The following ACKR3 variants were observed in gnomAD, a reference collection of about 807,000 sequenced individuals.
ACKR3 encodes atypical chemokine receptor 3, also known as C-X-C chemokine receptor type 7.
A neutral mutation model predicts 22.4 loss-of-function variants in ACKR3; 6 were observed. That is an observed-to-expected ratio of 0.27 (90% CI 0.15 to 0.53). The LOEUF (loss-of-function observed/expected upper bound fraction) is 0.53, where lower values mean the gene tolerates loss of function less well. Ranked by LOEUF, ACKR3 falls within the 20% of genes least tolerant of loss-of-function variation. The pLI is 0.96. For synonymous variants in ACKR3, 209 were observed against 205.2 expected, an observed-to-expected ratio of 1.02 and a Z score of -0.16; for missense variants, 396 against 475.2, an observed-to-expected ratio of 0.83 and a Z score of 1.55.
the ACKR3 span, among the ~76,000 whole-genome samples, chr2:236,557,654 A>C: frequency 6.6e-6 from 1 of 152,266 alleles, no homozygotes; most frequent in Non-Finnish European, 1.5e-5. Context: ...ACAGATGAAT[A>C]AATTGAAAGT....
chr2:236,545,652 G>A, the ACKR3 span, among the ~76,000 whole-genome samples: 3 of 152,144 alleles, frequency 2.0e-5, no homozygotes, highest in Admixed American at 6.5e-5. This position sits in a 1 kb window ranked among gnomAD's most constrained non-coding sequence, Gnocchi z 5.3. Context: ...TTTCAGTGCT[G>A]CACTTTACAA....
At chr2:236,558,789 C>G in the ACKR3 span, among the ~76,000 whole-genome samples, 16 of 152,234 alleles carry the variant, frequency 1.1e-4, no homozygotes, top group Admixed American at 6.5e-4. Flanking sequence ...AATTTTGTCT[C>G]ACGTTGTTTT....
At chr2:236,548,362 A>G in the ACKR3 span, among the ~76,000 whole-genome samples, 8 of 152,210 alleles carry the variant, frequency 5.3e-5, no homozygotes, top group African/African-American at 1.9e-4. This position sits in a 1 kb window ranked among gnomAD's most constrained non-coding sequence, Gnocchi z 4.3. Context: ...TTTAAACTGA[A>G]TTCTTAGCCA....
chr2:236,580,692 G>C lies in ACKR3; in HGVS notation c.227G>C (p.Gly76Ala). 1 of 1,614,154 alleles carries C rather than the reference G, an allele frequency of 6.2e-7. No homozygotes were observed. The highest frequency in any genetic ancestry group is 1.3e-5 in the African/African-American group (1 of 75,032). Residue 76 changes from glycine to alanine, a missense_variant, in exon 2 of 2, where the codon GGC becomes GCC. Coordinates refer to ENST00000272928, the MANE Select transcript of ACKR3 (RefSeq NM_020311.3). ...GTGAATATCCAGGCCAAGACCACAG[G>C]CTATGACACGCACTGCTACATCTTG... is the stretch of plus-strand genomic sequence containing the variant. ...VWVNIQAKTT[G>A]YDTHCYILNL...
chr2:236,538,656 G>T, the ACKR3 span, among the ~76,000 whole-genome samples: 1 of 152,204 alleles, frequency 6.6e-6, no homozygotes, highest in Non-Finnish European at 1.5e-5. Flanking sequence ...GTAGATATCT[G>T]CCCTGCCCTT....
chr2:236,578,359 G>A lies in ACKR3; in HGVS notation c.-26-2081G>A, dbSNP rs533642316. 2.0e-5 allele frequency among the ~76,000 whole-genome samples: 3 copies of A among 152,334 alleles called. No individual in the cohort carries two copies. In the South Asian group the frequency reaches 6.2e-4, roughly 32 times the overall value. ...ACCTTGACCTGGCTCACCTCCATGG[G>A]CAGCCTCCCATGCTTGGGCATCAGG... On this transcript the variant is annotated intron_variant, in intron 1 of 1. Transcript: ENST00000272928.
chr2:236,579,124 G>T (rs1031567361), intron 1 of ACKR3, among the ~76,000 whole-genome samples: 7 of 152,224 alleles, frequency 4.6e-5, no homozygotes, highest in Non-Finnish European at 1.0e-4. Flanking sequence ...TCTGATCTCG[G>T]AGTGGGCGGC....
At chr2:236,578,315 G>A (rs1185316231) in intron 1 of ACKR3, among the ~76,000 whole-genome samples, 2 of 152,202 alleles carry the variant, frequency 1.3e-5, no homozygotes, top group African/African-American at 2.4e-5. Flanking sequence ...CAAGCCTCCT[G>A]CTTTGAGTTT....
At chr2:236,578,609 G>T (rs79836234) in intron 1 of ACKR3, among the ~76,000 whole-genome samples, 1 of 152,164 alleles carries the variant, frequency 6.6e-6, no homozygotes, top group East Asian at 1.9e-4. Context: ...TTTACATCCC[G>T]CAGAGGGAAG....
chr2:236,574,300 G>A lies in ACKR3; in HGVS notation c.-27+4376G>A, dbSNP rs940635417. Among the ~76,000 whole-genome samples the A allele has an allele frequency of 1.7e-4, 26 of 152,198 alleles. No individual in the cohort carries two copies. Among genetic ancestry groups the A allele is most frequent in the African/African-American group, 6.3e-4 (26 of 41,518 alleles). On this transcript the variant is annotated intron_variant, in intron 1 of 1. Transcript: ENST00000272928. The surrounding 1 kb of genome is among the most constrained non-coding windows in gnomAD (Gnocchi z 5.6). ...GCACGATTAACTGCTGGCTCATTGA[G>A]TACCTACTATGTGCAGCTGTAGCTG... is the stretch of plus-strand genomic sequence containing the variant.
At chr2:236,575,687 T>A (rs1306242575) in intron 1 of ACKR3, among the ~76,000 whole-genome samples, 3 of 151,944 alleles carry the variant, frequency 2.0e-5, no homozygotes, top group African/African-American at 7.3e-5. Context: ...GGTTGTGCTG[T>A]GTGTGCGTGT....
upstream of ACKR3, among the ~76,000 whole-genome samples, chr2:236,565,587 C>T (rs1370019267): frequency 2.0e-5 from 3 of 152,244 alleles, no homozygotes; most frequent in Non-Finnish European, 4.4e-5. Context: ...AATTAACTGA[C>T]TTTAGCTACT....
At chr2:236,549,631 G>A in the ACKR3 span, among the ~76,000 whole-genome samples, 1 of 152,222 alleles carries the variant, frequency 6.6e-6, no homozygotes. The surrounding 1 kb of genome is among the most constrained non-coding windows in gnomAD (Gnocchi z 5.3). Flanking sequence ...TCCCTTGGCT[G>A]CACTTCTGGG....
chr2:236,581,621 T>G lies in ACKR3; in HGVS notation c.*67T>G. 6.5e-7 allele frequency: 1 copy of G among 1,538,612 alleles called. No individual in the cohort carries two copies. Among genetic ancestry groups the G allele is most frequent in the Non-Finnish European group, 8.7e-7 (1 of 1,143,194 alleles). ...AACAGGGTGATGGGCCCTATGGTTT[T>G]CTAGAGCAAAGCAAAGTAGCTTCGG... On this transcript the variant is annotated 3_prime_UTR_variant, in exon 2 of 2. Transcript: ENST00000272928. The surrounding 1 kb of genome is among the most constrained non-coding windows in gnomAD (Gnocchi z 4.4).
the ACKR3 span, among the ~76,000 whole-genome samples, chr2:236,559,348 A>G: frequency 6.6e-6 from 1 of 152,264 alleles, no homozygotes; most frequent in Admixed American, 6.5e-5. Flanking sequence ...AGGTCTAACA[A>G]TTGTGAATAT....
the ACKR3 span, among the ~76,000 whole-genome samples, chr2:236,542,783 T>A: frequency 1.8e-4 from 27 of 152,058 alleles, no homozygotes; most frequent in Non-Finnish European, 3.8e-4. Flanking sequence ...GACTCAATAA[T>A]TATCCGACAG....
the ACKR3 span, among the ~76,000 whole-genome samples, chr2:236,553,980 C>T: frequency 1.3e-5 from 2 of 152,162 alleles, no homozygotes; most frequent in African/African-American, 2.4e-5. Context: ...CTGTCTGCAT[C>T]GTAGTTGGTG....
At chr2:236,553,233 C>T in the ACKR3 span, among the ~76,000 whole-genome samples, 1 of 152,252 alleles carries the variant, frequency 6.6e-6, no homozygotes, top group East Asian at 1.9e-4. Context: ...GTGAATCCCA[C>T]TCCGAAGCCA....
chr2:236,543,726 T>C, the ACKR3 span, among the ~76,000 whole-genome samples: 35,818 of 151,766 alleles, frequency 0.24, 6,109 homozygotes, highest in African/African-American at 0.49. Flanking sequence ...CTACCTTGGA[T>C]GGTCACTTGT....
Sources: gnomAD v4.1 joint callset for allele counts (sites outside exome capture counted in the v4.1 genomes callset) on GRCh38, gnomAD v4.1.1 for gene constraint, Gnocchi (gnomAD v3.1) non-coding constraint, MANE v1.5 for transcripts, NCBI Gene and HGNC (gene_info 2026-07-23, HGNC 2026-07-21) for gene names.